TTLL5: variants seen among roughly 807,000 people sequenced by gnomAD.
TTLL5 encodes tubulin tyrosine ligase like 5, also known as tubulin polyglutamylase TTLL5.
A neutral mutation model predicts 168.4 loss-of-function variants in TTLL5; 132 were observed. The observed-to-expected ratio is 0.78, with a 90% confidence interval of 0.68 to 0.91. The LOEUF (loss-of-function observed/expected upper bound fraction) is 0.91. Ranked by LOEUF, TTLL5 falls within the 40% of genes least tolerant of loss-of-function variation. The pLI, the probability that TTLL5 is intolerant of heterozygous loss-of-function variation, is 0.00. For synonymous variants in TTLL5, 546 were observed against 558.6 expected (o/e 0.98, Z 0.32); for missense variants, 1,545 against 1,581.5 (o/e 0.98, Z 0.39).
At chr14:75,904,202 C>CTAAA in intron 31 of TTLL5, 1 of 986,524 alleles carries the variant, frequency 1.0e-6, no homozygotes, top group Non-Finnish European at 1.2e-6. Context: ...CTCACTCCTC[C>CTAAA]AAAAAAAAAA....
chr14:75,736,990 A>G (rs1003968931), intron 15 of TTLL5, among the ~76,000 whole-genome samples: 1 of 152,242 alleles, frequency 6.6e-6, no homozygotes, highest in African/African-American at 2.4e-5. Flanking sequence ...ATCTGTGGCA[A>G]GAACCACAGA....
At chr14:75,909,328 A>G (rs1439332765) in intron 31 of TTLL5, among the ~76,000 whole-genome samples, 1 of 148,006 alleles carries the variant, frequency 6.8e-6, no homozygotes, top group African/African-American at 2.5e-5. Context: ...TACCATCCCT[A>G]TACCCTGAAG....
chr14:75,890,753 C>T (rs1475345255), intron 30 of TTLL5, among the ~76,000 whole-genome samples: 3 of 151,892 alleles, frequency 2.0e-5, no homozygotes, highest in Non-Finnish European at 2.9e-5. Context: ...GGAGTCTCGC[C>T]GTGTCACCCA....
intron 27 of TTLL5, among the ~76,000 whole-genome samples, chr14:75,796,258 A>G (rs1173975110): frequency 6.6e-6 from 1 of 151,690 alleles, no homozygotes; most frequent in East Asian, 1.9e-4. Flanking sequence ...TCATGTCCTT[A>G]GCCTTTTTGA....
In TTLL5 at chr14:75,681,569, T is replaced by C. The variant is rs1242105848; in HGVS notation, c.206T>C (p.Ile69Thr). Reference sequence around the variant, plus strand: ...GAACGTTATCATTTGTCTTATAAGATTGTACGAACGGACAGTCGCCTAGTA... The same window carrying C: ...GAACGTTATCATTTGTCTTATAAGACTGTACGAACGGACAGTCGCCTAGTA... ...IGERYHLSYKIVRTDSRLVRS... is the reference protein window; with the variant it reads ...IGERYHLSYKTVRTDSRLVRS... The change falls in exon 4 of 32, where the codon ATT (isoleucine) becomes ACT (threonine). Residue 69 changes from isoleucine (I) to threonine (T), a missense_variant. Ile to Thr is a moderately conservative substitution (Grantham distance 89, BLOSUM62 -1). Transcript: ENST00000298832. 2.5e-6 allele frequency: 4 copies of C among 1,613,396 alleles called. No homozygotes were observed. Among genetic ancestry groups the C allele is most frequent in the Non-Finnish European group, 3.4e-6 (4 of 1,179,938 alleles).
Position 75,742,870 on chromosome 14 carries a change from T to C in TTLL5, c.1282-2225T>C, listed in dbSNP as rs115316170. Among the ~76,000 whole-genome samples the C allele has an allele frequency of 7.8e-3, 1,183 of 152,382 alleles. 15 individuals are homozygous for C. The highest frequency in any genetic ancestry group is 0.027 in the African/African-American group (1,120 of 41,594). On this transcript the variant is annotated intron_variant, in intron 15 of 31. Transcript: ENST00000298832. ...AGTGTTCACACTTTTTAAAGATTTA[T>C]AAACAATGGTTATATTATTTATATT...
intron 26 of TTLL5, among the ~76,000 whole-genome samples, chr14:75,785,481 TC>T (rs1404395757): frequency 1.3e-5 from 2 of 152,124 alleles, no homozygotes; most frequent in African/African-American, 4.8e-5. Flanking sequence ...GCCCGGCCCC[TC>T]CTATGTTTTA....
rs1048536175 is a variant in TTLL5 at position 75,954,612 on chromosome 14, A to G, written c.*166A>G. On this transcript the variant is annotated 3_prime_UTR_variant, in exon 32 of 32. Coordinates refer to ENST00000298832, the MANE Select transcript of TTLL5 (RefSeq NM_015072.5). ...GCAGTAGATGGTTGCCAATCAGCCA[A>G]TGCAGACTTTCACTGGGACAACAAG... 4 of 676,938 alleles carry G rather than the reference A, an allele frequency of 5.9e-6. No homozygotes were observed. Among genetic ancestry groups the G allele is most frequent in the East Asian group, 2.6e-5 (1 of 37,908 alleles). 41.9% of individuals were successfully genotyped at this position (676,938 alleles called of 1,614,324 possible). A position where few individuals can be genotyped will look rare whatever the true frequency, so the allele number is the denominator to read the frequency against.
chr14:75,886,753 T>C (rs781384872), intron 30 of TTLL5: 1 of 1,597,692 alleles, frequency 6.3e-7, no homozygotes, highest in Admixed American at 1.7e-5. Context: ...TTCCAAGCAG[T>C]CAGCTGAACT....
intron 31 of TTLL5, among the ~76,000 whole-genome samples, chr14:75,950,962 C>T (rs1223853910): frequency 6.7e-6 from 1 of 149,874 alleles, no homozygotes; most frequent in Admixed American, 6.6e-5. Flanking sequence ...AGTTAAGACC[C>T]TGTCTCAAAA....
chr14:75,757,190 C>G (rs1306671146), intron 18 of TTLL5, among the ~76,000 whole-genome samples: 1 of 152,152 alleles, frequency 6.6e-6, no homozygotes, highest in Non-Finnish European at 1.5e-5. Context: ...ATTGCCCAGG[C>G]TGGTCTTGAC....
chr14:75,782,334 G>A (rs1454853820), intron 24 of TTLL5, among the ~76,000 whole-genome samples, 153 bp from the exon 25 acceptor site: 1 of 152,080 alleles, frequency 6.6e-6, no homozygotes, highest in Non-Finnish European at 1.5e-5. Flanking sequence ...AGGGCTGTGG[G>A]TGTCTTCATC....
chr14:75,937,352 T>TCCTGACCTTGTGATCTACCCACTCAG (rs1291509929), intron 31 of TTLL5, among the ~76,000 whole-genome samples: 2 of 151,552 alleles, frequency 1.3e-5, no homozygotes, highest in East Asian at 1.9e-4. Flanking sequence ...GGTCTTGAAC[T>TCCTGACCTTGTGATCTACCCACTCAG]CCTGACCTTG....
intron 23 of TTLL5, among the ~76,000 whole-genome samples, chr14:75,777,465 T>C (rs191600106): frequency 6.6e-6 from 1 of 152,244 alleles, no homozygotes; most frequent in Admixed American, 6.5e-5. Context: ...CCTTTAGAAA[T>C]GGAAAATCTC....
chr14:75,706,858 A>G (rs1261661041), intron 7 of TTLL5, among the ~76,000 whole-genome samples, 160 bp from the exon 8 acceptor site: 1 of 152,102 alleles, frequency 6.6e-6, no homozygotes. Context: ...AAGTGATATT[A>G]TATGGCCAAC....
rs1289831079 is a variant in TTLL5, at chr14:75,706,716, AT to A, written c.586-301del. Among the ~76,000 whole-genome samples, 7 of 152,014 alleles carry A rather than the reference AT, an allele frequency of 4.6e-5. No homozygotes were observed. In the East Asian group the frequency reaches 1.3e-3, roughly 29 times the overall value. On this transcript the variant is annotated intron_variant, in intron 7 of 31. Coordinates refer to ENST00000298832, the MANE Select transcript of TTLL5 (RefSeq NM_015072.5). ...TTTTCTTGGCAGGTAACTATTTAAT[AT>A]CATGTATATACATCTTTAAGGCTAT...
intron 9 of TTLL5, among the ~76,000 whole-genome samples, chr14:75,717,603 T>C (rs1174948078): frequency 6.6e-6 from 1 of 152,226 alleles, no homozygotes; most frequent in Non-Finnish European, 1.5e-5. Context: ...GAACAAGTTA[T>C]TTAATAGACC....
At chr14:75,921,511 G>C (rs962987071) in intron 31 of TTLL5, among the ~76,000 whole-genome samples, 3 of 152,132 alleles carry the variant, frequency 2.0e-5, no homozygotes, top group African/African-American at 4.8e-5. Context: ...TTTTTGTCAG[G>C]TTTGTCAAAG....
In TTLL5 at chr14:75,909,032, C is replaced by G. The variant is rs113384334; in HGVS notation, c.3823+6808C>G. ...AGCTCAAGCAATCCACCTGCCTTGG[C>G]CTCCCAAAGTGCTGGTATTACAGGC... On this transcript the variant is annotated intron_variant, in intron 31 of 31. Transcript: ENST00000298832. 6.1e-3 allele frequency among the ~76,000 whole-genome samples: 922 copies of G among 152,144 alleles called. 9 individuals are homozygous for G. The highest frequency in any genetic ancestry group is 0.022 in the African/African-American group (895 of 41,482).
Sources: allele counts gnomAD v4.1 joint callset (sites outside exome capture counted in the v4.1 genomes callset), GRCh38; gene constraint gnomAD v4.1.1; transcripts MANE v1.5; gene names NCBI Gene and HGNC (gene_info 2026-07-23, HGNC 2026-07-21).